Variants in ATP4A observed in about 807,000 individuals in gnomAD.
The protein encoded by ATP4A is ATPase H+/K+ transporting subunit alpha, also known as potassium-transporting ATPase alpha chain 1.
In ATP4A, 73 loss-of-function variants were observed where a neutral mutation model predicts 112.1. The observed-to-expected ratio is 0.65, with a 90% CI of 0.54 to 0.79. ATP4A has a LOEUF of 0.79. ATP4A is among the 30% of genes least tolerant of loss of function. The probability of loss-of-function intolerance (pLI) is 0.00; values close to 1 mark genes in which losing one functional copy is unlikely to be tolerated. For synonymous variants in ATP4A, 588 were observed against 588.9 expected (o/e 1.00, Z 0.02); for missense variants, 1,081 against 1,425.9 (o/e 0.76, Z 3.90).
rs757756460 is a variant in ATP4A, at chr19:35,553,106, G to A, written c.2682C>T (p.Cys894=). The stretch of plus-strand genomic sequence containing the variant: ...CCTCCCACTGCGCCCGCAGCCCCAC[G>A]CACAGCAGTGGGAACCAGCCCTCCT... ...MAQEGWFPLL[C]VGLRAQWEDH... The change falls in exon 18 of 22, where the codon TGC becomes TGT. Residue 894 remains cysteine (C), a synonymous_variant. Coordinates refer to ENST00000262623, the MANE Select transcript of ATP4A (RefSeq NM_000704.3). The A allele has an allele frequency of 1.8e-5, 29 of 1,611,612 alleles. No homozygotes were observed. In the Admixed American group the frequency reaches 3.5e-4, roughly 19 times the overall value.
In ATP4A at chr19:35,551,768, G is replaced by A. The variant is rs1051709112; in HGVS notation, c.2752-188C>T. The stretch of plus-strand genomic sequence containing the variant: ...TGCCAGGTGTGCAGGACCCCAGAAC[G>A]TGGGGCCCAGAAACCTCAGCCTAGC... On this transcript the variant is annotated intron_variant, in intron 18 of 21. Coordinates refer to ENST00000262623, the MANE Select transcript of ATP4A (RefSeq NM_000704.3). The surrounding 1 kb of genome is among the most constrained non-coding windows in gnomAD (Gnocchi z 5.2). Among the ~76,000 whole-genome samples, 24 of 152,152 alleles carry A rather than the reference G, an allele frequency of 1.6e-4. No individual in the cohort carries two copies. The highest frequency in any genetic ancestry group is 4.8e-4 in the African/African-American group (20 of 41,428).
Position 35,560,128 on chromosome 19 carries a change from C to T in ATP4A, c.788-55G>A. ...ATAGGGGGCGGCAGTGGGGTGTGCA[C>T]TGCCGTGTGAGCTGAAGGACAGCCA... On this transcript the variant is annotated intron_variant, in intron 6 of 21. Transcript: ENST00000262623. The surrounding 1 kb of genome is among the most constrained non-coding windows in gnomAD (Gnocchi z 5.1). 1.3e-6 allele frequency: 2 copies of T among 1,599,336 alleles called. No individual in the cohort carries two copies. The highest frequency in any genetic ancestry group is 2.2e-5 in the South Asian group (2 of 89,598).
In ATP4A at chr19:35,557,221, C is replaced by T; in HGVS notation, c.1694-133G>A. 1 of 989,776 alleles carries T rather than the reference C, an allele frequency of 1.0e-6. No individual in the cohort carries two copies. The highest frequency in any genetic ancestry group is 1.5e-6 in the Non-Finnish European group (1 of 673,398). The allele number at this position is 989,776 out of a possible 1,614,324, so 61.3% of individuals were successfully genotyped here. ...GCCTGACCTTGTGCTGACCCCTTCACTCACATTATCTGAATCTACCCTCAC... is the reference window on the plus strand; with the variant it reads ...GCCTGACCTTGTGCTGACCCCTTCATTCACATTATCTGAATCTACCCTCAC... On this transcript the variant is annotated intron_variant, in intron 11 of 21. Coordinates refer to ENST00000262623, the MANE Select transcript of ATP4A (RefSeq NM_000704.3). This position sits in a 1 kb window ranked among gnomAD's most constrained non-coding sequence, Gnocchi z 4.4.
intron 17 of ATP4A, 23 bp downstream of exon 17, chr19:35,553,683 C>G (rs1555709944): frequency 6.2e-7 from 1 of 1,611,396 alleles, no homozygotes. Context: ...CACCTCCAGG[C>G]TCCCCGGCCC....
At position 35,559,147 on chromosome 19, in the gene ATP4A, G is replaced by A. The variant is rs766064812; in HGVS notation, c.1101C>T (p.Cys367=). Residue 367 remains cysteine, a synonymous_variant, in exon 8 of 22, where the codon TGC becomes TGT. Coordinates refer to ENST00000262623, the MANE Select transcript of ATP4A (RefSeq NM_000704.3). This position sits in a 1 kb window ranked among gnomAD's most constrained non-coding sequence, Gnocchi z 4.1. Reference sequence around the variant, plus strand: ...CCACCGCCTCCAGGTTCTTGACCACGCAGTTCTTACTGGCCAGGCGCTTGG... The same window carrying A: ...CCACCGCCTCCAGGTTCTTGACCACACAGTTCTTACTGGCCAGGCGCTTGG... ...LTAKRLASKN[C]VVKNLEAVET... 7 of 1,614,142 alleles carry A rather than the reference G, an allele frequency of 4.3e-6. No homozygotes were observed. In the Admixed American group the frequency reaches 5.0e-5, roughly 12 times the overall value.
In ATP4A at chr19:35,557,345, C is replaced by T. The variant is rs1295119291; in HGVS notation, c.1694-257G>A. 6.6e-6 allele frequency among the ~76,000 whole-genome samples: 1 copy of T among 152,104 alleles called. No homozygotes were observed. Among genetic ancestry groups the T allele is most frequent in the Non-Finnish European group, 1.5e-5 (1 of 68,028 alleles). ...GAGGTCACACAGCAAGTAAAAGGCC[C>T]AGAATTGGACCACAGATCTGCTTTC... On this transcript the variant is annotated intron_variant, in intron 11 of 21. Coordinates refer to ENST00000262623, the MANE Select transcript of ATP4A (RefSeq NM_000704.3). The surrounding 1 kb of genome is among the most constrained non-coding windows in gnomAD (Gnocchi z 4.4).
At position 35,557,836 on chromosome 19, in the gene ATP4A, A is replaced by T. The variant is rs768156845; in HGVS notation, c.1512T>A (p.His504Gln). The change falls in exon 11 of 22, where the codon CAT (histidine) becomes CAA (glutamine). Residue 504 changes from histidine to glutamine, a missense_variant. Around this residue, in one of 3 missense-constraint regions of ATP4A, gnomAD observed 850 missense variants for 1,068.2 expected, o/e 0.80. Coordinates refer to ENST00000262623, the MANE Select transcript of ATP4A (RefSeq NM_000704.3). The surrounding 1 kb of genome is among the most constrained non-coding windows in gnomAD (Gnocchi z 4.4). The part of the protein sequence containing the change: ...NSTNKFQLSI[H>Q]TLEDPRDPRH... ...GCGGGTCCCGCGGGTCCTCCAGCGT[A>T]TGGATGGACAGCTGTGGGCGGGGGG... is the stretch of plus-strand genomic sequence containing the variant. The T allele has an allele frequency of 1.5e-6, 2 of 1,341,394 alleles. No homozygotes were observed. Among genetic ancestry groups the T allele is most frequent in the African/African-American group, 1.6e-5 (1 of 62,480 alleles). The allele number at this position is 1,341,394 out of a possible 1,614,324, so 83.1% of individuals were successfully genotyped here. A position where few individuals can be genotyped will look rare whatever the true frequency, so the allele number is the denominator to read the frequency against.
rs1057404665 is a variant in ATP4A, at chr19:35,560,224, G to C, written c.787+139C>G. On this transcript the variant is annotated intron_variant, in intron 6 of 21. Coordinates refer to ENST00000262623, the MANE Select transcript of ATP4A (RefSeq NM_000704.3). This position sits in a 1 kb window ranked among gnomAD's most constrained non-coding sequence, Gnocchi z 5.1. ...GGGAGACAGAGAAGCAGTGTGCCCT[G>C]GGGAGGTGGCAGTCACGGGGAGGTG... 1 of 1,522,346 alleles carries C rather than the reference G, an allele frequency of 6.6e-7. No individual in the cohort carries two copies. Among genetic ancestry groups the C allele is most frequent in the East Asian group, 2.3e-5 (1 of 44,314 alleles). 94.3% of individuals were successfully genotyped at this position (1,522,346 alleles called of 1,614,324 possible). A position where few individuals can be genotyped will look rare whatever the true frequency, so the allele number is the denominator to read the frequency against.
Position 35,558,735 on chromosome 19 carries a change from C to T in ATP4A, c.1256-49G>A. On this transcript the variant is annotated intron_variant, in intron 8 of 21. Coordinates refer to ENST00000262623, the MANE Select transcript of ATP4A (RefSeq NM_000704.3). The surrounding 1 kb of genome is among the most constrained non-coding windows in gnomAD (Gnocchi z 5.1). ...GGTCCCGCACGGCGGCTCTCCCGGACCAGAACCGAGCCCCCTCCTCCTAGG... is the reference window on the plus strand; with the variant it reads ...GGTCCCGCACGGCGGCTCTCCCGGATCAGAACCGAGCCCCCTCCTCCTAGG... 6.6e-7 allele frequency: 1 copy of T among 1,521,100 alleles called. No individual in the cohort carries two copies. Among genetic ancestry groups the T allele is most frequent in the African/African-American group, 1.4e-5 (1 of 73,316 alleles). The allele number at this position is 1,521,100 out of a possible 1,614,324, so 94.2% of individuals were successfully genotyped here.
At position 35,562,640 on chromosome 19, in the gene ATP4A, T is replaced by C; in HGVS notation, c.217-2A>G. 6.3e-7 allele frequency: 1 copy of C among 1,591,402 alleles called. No individual in the cohort carries two copies. Among genetic ancestry groups the C allele is most frequent in the Non-Finnish European group, 8.5e-7 (1 of 1,170,270 alleles). ...AGCAGCCAGGCTCGCAGAGAGGCCCTGGGACAGAGGGGCAGGGCGAGGCGG... is the reference window on the plus strand; with the variant it reads ...AGCAGCCAGGCTCGCAGAGAGGCCCCGGGACAGAGGGGCAGGGCGAGGCGG... On this transcript the variant is annotated splice_acceptor_variant, in intron 3 of 21. Coordinates refer to ENST00000262623, the MANE Select transcript of ATP4A (RefSeq NM_000704.3). LOFTEE classifies it high-confidence loss of function.
In ATP4A at chr19:35,551,131, G is replaced by A. The variant is rs2071599465; in HGVS notation, c.2886-20C>T. 1 of 1,589,188 alleles carries A rather than the reference G, an allele frequency of 6.3e-7. No individual in the cohort carries two copies. Among genetic ancestry groups the A allele is most frequent in the Non-Finnish European group, 8.6e-7 (1 of 1,167,054 alleles). On this transcript the variant is annotated intron_variant, in intron 19 of 21. Transcript: ENST00000262623. This position sits in a 1 kb window ranked among gnomAD's most constrained non-coding sequence, Gnocchi z 5.2. ...TTATTCCTGGGGGTGGGCAGAATGG[G>A]ACAGGCCATTAGGAATTGGGGACGT...
intron 3 of ATP4A, 142 bp from the exon 4 acceptor site, chr19:35,562,780 C>A: frequency 1.3e-6 from 1 of 791,230 alleles, no homozygotes; most frequent in South Asian, 1.8e-5. Flanking sequence ...GGTTCCTGCC[C>A]CCACCCCATC....
chr19:35,553,073 G>T lies in ATP4A; in HGVS notation c.2715C>A (p.His905Gln), dbSNP rs199781607. 3 of 1,610,552 alleles carry T rather than the reference G, an allele frequency of 1.9e-6. No individual in the cohort carries two copies. Among genetic ancestry groups the T allele is most frequent in the Non-Finnish European group, 2.5e-6 (3 of 1,177,156 alleles). Residue 905 changes from histidine (H) to glutamine (Q), a missense_variant, in exon 18 of 22, where the codon CAC (histidine) becomes CAA (glutamine). By Grantham distance (24) the His-to-Gln change is conservative (BLOSUM62 0). Around this residue, in one of 3 missense-constraint regions of ATP4A, gnomAD observed 219 missense variants for 320.9 expected, o/e 0.68. Coordinates refer to ENST00000262623, the MANE Select transcript of ATP4A (RefSeq NM_000704.3). ...CGTAGCTGTCCTGCAGATCTTGTAGGTGGTGGTCCTCCCACTGCGCCCGCA... is the reference window on the plus strand; with the variant it reads ...CGTAGCTGTCCTGCAGATCTTGTAGTTGGTGGTCCTCCCACTGCGCCCGCA... ...VGLRAQWEDH[H>Q]LQDLQDSYGQ...
Position 35,558,625 on chromosome 19 carries a change from G to T in ATP4A, c.1317C>A (p.Cys439Ter). The change falls in exon 9 of 22, where the codon TGC (cysteine) becomes TGA (stop). Residue 439 changes from cysteine to a stop codon, truncating the protein, a stop_gained. Coordinates refer to ENST00000262623, the MANE Select transcript of ATP4A (RefSeq NM_000704.3). LOFTEE classifies it high-confidence loss of function. The surrounding 1 kb of genome is among the most constrained non-coding windows in gnomAD (Gnocchi z 5.1). Reference sequence around the variant, plus strand: ...GGCCGGACTTGAAGGCGGCGCGGTTGCACAGGGTGAGCACCCGGCACAGCG... The same window carrying T: ...GGCCGGACTTGAAGGCGGCGCGGTTTCACAGGGTGAGCACCCGGCACAGCG... ...WRALCRVLTL[C>*]NRAAFKSGQD... The T allele has an allele frequency of 6.2e-7, 1 of 1,601,322 alleles. No individual in the cohort carries two copies.
In ATP4A at chr19:35,557,772, G is replaced by A; in HGVS notation, c.1576C>T (p.Leu526=). 6.3e-7 allele frequency: 1 copy of A among 1,585,544 alleles called. No homozygotes were observed. Among genetic ancestry groups the A allele is most frequent in the Non-Finnish European group, 8.6e-7 (1 of 1,160,866 alleles). The part of the protein sequence containing the change: ...LVMKGAPERV[L]ERCSSILIKG... ...ATAAGGATGGAGCTGCAGCGCTCCA[G>A]CACGCGCTCGGGGGCGCCCTTCATC... Residue 526 remains leucine (L), a synonymous_variant, in exon 11 of 22, where the codon CTG becomes TTG. Coordinates refer to ENST00000262623, the MANE Select transcript of ATP4A (RefSeq NM_000704.3). The surrounding 1 kb of genome is among the most constrained non-coding windows in gnomAD (Gnocchi z 4.4).
At position 35,551,461 on chromosome 19, in the gene ATP4A, C is replaced by T; in HGVS notation, c.2871G>A (p.Gln957=). The T allele has an allele frequency of 6.2e-7, 1 of 1,614,082 alleles. No homozygotes were observed. Among genetic ancestry groups the T allele is most frequent in the Non-Finnish European group, 8.5e-7 (1 of 1,179,994 alleles). The part of the protein sequence containing the change: ...IRKTRRLSAF[Q]QGFFRNKILV... ...GCCAGGGACACCTGAAGAAGCCTTGCTGGAAGGCAGAGAGACGGCGCGTCT... is the reference window on the plus strand; with the variant it reads ...GCCAGGGACACCTGAAGAAGCCTTGTTGGAAGGCAGAGAGACGGCGCGTCT... The change falls in exon 19 of 22, where the codon CAG becomes CAA. Residue 957 remains glutamine (Q), a synonymous_variant. Coordinates refer to ENST00000262623, the MANE Select transcript of ATP4A (RefSeq NM_000704.3). This position sits in a 1 kb window ranked among gnomAD's most constrained non-coding sequence, Gnocchi z 5.2.
Position 35,557,913 on chromosome 19 carries a change from C to CGGGGCGGGGCTGAGGAGA in ATP4A, c.1501-84_1501-67dup. 6.6e-6 allele frequency: 1 copy of CGGGGCGGGGCTGAGGAGA among 152,040 alleles called. No individual in the cohort carries two copies. The highest frequency in any genetic ancestry group is 8.3e-5 in the African/African-American group (1 of 12,086). 9.4% of individuals were successfully genotyped at this position (152,040 alleles called of 1,614,324 possible). A position where few individuals can be genotyped will look rare whatever the true frequency, so the allele number is the denominator to read the frequency against. ...CGGGGCGGGGCTGTGGACGAGGGAA[C>CGGGGCGGGGCTGAGGAGA]GGGGCGGGGCTGAGGAGAGGGGCGG... is the stretch of plus-strand genomic sequence containing the variant. On this transcript the variant is annotated intron_variant, in intron 10 of 21. Coordinates refer to ENST00000262623, the MANE Select transcript of ATP4A (RefSeq NM_000704.3). The surrounding 1 kb of genome is among the most constrained non-coding windows in gnomAD (Gnocchi z 4.4).
At chr19:35,563,105 T>C in intron 3 of ATP4A, 104 bp downstream of exon 3, 11 of 1,230,754 alleles carry the variant, frequency 8.9e-6, no homozygotes, top group Non-Finnish European at 1.2e-5. Flanking sequence ...TCTTCCTCTC[T>C]TCATCTCTCC....
Position 35,558,528 on chromosome 19 carries a change from C to A in ATP4A, c.1366-32G>T. ...GCGGGGACCGGTGTCAGGGGCGAAG[C>A]CGGCTACACCAGCCTCCCGGGATTC... On this transcript the variant is annotated intron_variant, in intron 9 of 21. Coordinates refer to ENST00000262623, the MANE Select transcript of ATP4A (RefSeq NM_000704.3). This position sits in a 1 kb window ranked among gnomAD's most constrained non-coding sequence, Gnocchi z 5.1. 1.3e-6 allele frequency: 2 copies of A among 1,588,874 alleles called. No homozygotes were observed. Among genetic ancestry groups the A allele is most frequent in the South Asian group, 2.3e-5 (2 of 87,334 alleles).
Sources: allele counts gnomAD v4.1 joint callset (sites outside exome capture counted in the v4.1 genomes callset), GRCh38; gene constraint gnomAD v4.1.1; regional missense constraint gnomAD v4.1.1; non-coding constraint Gnocchi (gnomAD v3.1); transcripts MANE v1.5; gene names NCBI Gene and HGNC (gene_info 2026-07-23, HGNC 2026-07-21).